The following COL5A3 variants were observed in gnomAD, a reference collection of about 807,000 sequenced individuals.
COL5A3 encodes collagen type V alpha 3 chain.
In COL5A3, 172 loss-of-function variants were observed where a neutral mutation model predicts 250.0. The ratio of observed to expected loss-of-function variants is 0.69; its 90% CI spans 0.61 to 0.78. The LOEUF (loss-of-function observed/expected upper bound fraction) is 0.78. Ranked by LOEUF, COL5A3 falls within the 30% of genes least tolerant of loss-of-function variation. The pLI is 0.00. For missense variants in COL5A3, 2,340 were observed against 2,334.4 expected, an observed-to-expected ratio of 1.00 and a Z score of -0.05; for synonymous variants, 937 against 900.4, an observed-to-expected ratio of 1.04 and a Z score of -0.73.
intron 52 of COL5A3, 83 bp downstream of exon 52, chr19:9,971,122 T>C (rs2086839610): frequency 1.4e-6 from 2 of 1,403,302 alleles, no homozygotes; most frequent in Middle Eastern, 1.8e-4. Context: ...TTGGTTCCAC[T>C]GTCAGTGCCC....
At position 9,989,533 on chromosome 19, in the gene COL5A3, A is replaced by T. The variant is rs753012591; in HGVS notation, c.1993-11T>A. 7 of 1,609,174 alleles carry T rather than the reference A, an allele frequency of 4.4e-6. No homozygotes were observed. In the South Asian group the frequency reaches 7.8e-5, roughly 18 times the overall value. On this transcript the variant is annotated splice_polypyrimidine_tract_variant and intron_variant, in intron 24 of 66. Transcript: ENST00000264828. ...GTTTCCAGGGGGACCCTGAAAGAAG[A>T]TGAACAGCAGGGGAGAGACAGAGGT...
Position 9,975,511 on chromosome 19 carries a change from G to A in COL5A3, c.3342+1047C>T, listed in dbSNP as rs529353877. Among the ~76,000 whole-genome samples, 25 of 152,288 alleles carry A rather than the reference G, an allele frequency of 1.6e-4. No individual in the cohort carries two copies. The South Asian group carries it at 2.9e-3, about 18-fold the overall frequency. On this transcript the variant is annotated intron_variant, in intron 45 of 66. Transcript: ENST00000264828. The stretch of plus-strand genomic sequence containing the variant: ...TAAGGTTGAGTGTATATTGGACATC[G>A]ATATAGAGGGGCAGATCAAAGTTGA...
intron 24 of COL5A3, among the ~76,000 whole-genome samples, chr19:9,990,921 A>C (rs2087179909): frequency 6.6e-6 from 1 of 151,894 alleles, no homozygotes; most frequent in African/African-American, 2.4e-5. Flanking sequence ...TCACAGCCAC[A>C]CCCCTTTCTT....
intron 8 of COL5A3, 56 bp downstream of exon 8, chr19:10,001,468 A>C: frequency 6.4e-7 from 1 of 1,554,224 alleles, no homozygotes; most frequent in Admixed American, 2.1e-5. Context: ...ATTTTAAAAA[A>C]ATTTTAATAG....
intron 10 of COL5A3, among the ~76,000 whole-genome samples, chr19:9,997,742 C>T (rs1464448004): frequency 6.6e-6 from 1 of 152,128 alleles, no homozygotes; most frequent in Non-Finnish European, 1.5e-5. Flanking sequence ...GTTGGGACTA[C>T]AGTTGGGTGC....
At chr19:10,001,426 C>A in intron 8 of COL5A3, 98 bp downstream of exon 8, 2 of 1,243,320 alleles carry the variant, frequency 1.6e-6, no homozygotes, top group South Asian at 1.6e-5. Flanking sequence ...GGATTACAGG[C>A]GGGAGCCACT....
intron 61 of COL5A3, chr19:9,967,695 C>A: frequency 1.8e-6 from 1 of 553,886 alleles, no homozygotes; most frequent in Non-Finnish European, 3.0e-6. Context: ...TGTTTTCTTT[C>A]CTAGCAGTTT....
At chr19:9,998,175 G>C in intron 8 of COL5A3, 26 bp from the exon 9 acceptor site, 1 of 1,597,314 alleles carries the variant, frequency 6.3e-7, no homozygotes, top group Non-Finnish European at 8.5e-7. Context: ...GGGAGATGGA[G>C]AGAAAAGAGA....
At chr19:9,979,261 G>A in intron 38 of COL5A3, 22 bp from the exon 39 acceptor site, 4 of 1,604,070 alleles carry the variant, frequency 2.5e-6, no homozygotes, top group Non-Finnish European at 3.4e-6. Flanking sequence ...GAAGGCTCCT[G>A]TTGAGTGGGG....
intron 41 of COL5A3, among the ~76,000 whole-genome samples, 175 bp from the exon 42 acceptor site, chr19:9,977,876 T>G (rs953651516): frequency 4.6e-5 from 7 of 150,636 alleles, no homozygotes; most frequent in Non-Finnish European, 7.4e-5. Context: ...CATATTCTTC[T>G]CCTGCTCAAG....
At position 10,009,248 on chromosome 19, in the gene COL5A3, C is replaced by T. The variant is rs943668796; in HGVS notation, c.88+1050G>A. Among the ~76,000 whole-genome samples, 10 of 150,490 alleles carry T rather than the reference C, an allele frequency of 6.6e-5. No homozygotes were observed. The highest frequency in any genetic ancestry group is 4.0e-4 in the Admixed American group (6 of 15,060). ...CTTAGAAAGGGATTTCCAGGAGGAC[C>T]TAGTCTAGGGTCTCTCAGATCAGGG... On this transcript the variant is annotated intron_variant, in intron 1 of 66. Transcript: ENST00000264828. The surrounding 1 kb of genome is among the most constrained non-coding windows in gnomAD (Gnocchi z 4.4).
rs2086788134 is a variant in COL5A3, at chr19:9,968,609, C to T, written c.4206+66G>A. The T allele has an allele frequency of 6.3e-7, 1 of 1,592,080 alleles. No individual in the cohort carries two copies. Among genetic ancestry groups the T allele is most frequent in the Non-Finnish European group, 8.6e-7 (1 of 1,162,318 alleles). Reference sequence around the variant, plus strand: ...AGAGGATGCACCAATCTCCCAGCCCCCCAGCCAGGGAGGGAGGGAAAGAGG... The same window carrying T: ...AGAGGATGCACCAATCTCCCAGCCCTCCAGCCAGGGAGGGAGGGAAAGAGG... On this transcript the variant is annotated intron_variant, in intron 58 of 66. Coordinates refer to ENST00000264828, the MANE Select transcript of COL5A3 (RefSeq NM_015719.4). This position sits in a 1 kb window ranked among gnomAD's most constrained non-coding sequence, Gnocchi z 4.1.
At position 9,973,739 on chromosome 19, in the gene COL5A3, T is replaced by C; in HGVS notation, c.3612+17A>G. The C allele has an allele frequency of 6.2e-7, 1 of 1,613,982 alleles. No homozygotes were observed. ...TTATCTCTTCCCCCCGTGCAGCCCC[T>C]GCCTTCCCTCACTCACCTTCTCACC... On this transcript the variant is annotated intron_variant, in intron 49 of 66. Transcript: ENST00000264828.
intron 23 of COL5A3, 48 bp downstream of exon 23, chr19:9,991,740 C>A: frequency 6.3e-6 from 10 of 1,596,270 alleles, no homozygotes; most frequent in South Asian, 1.1e-5. Flanking sequence ...GGTCTAAGGT[C>A]TTAACTGACC....
chr19:9,981,482 A>G (rs1419727265), intron 32 of COL5A3, among the ~76,000 whole-genome samples: 1 of 152,216 alleles, frequency 6.6e-6, no homozygotes, highest in East Asian at 1.9e-4. Context: ...CTCATCATGC[A>G]ATACATCTCT....
intron 21 of COL5A3, 30 bp from the exon 22 acceptor site, chr19:9,992,078 C>T (rs1316354514): frequency 2.5e-6 from 4 of 1,608,812 alleles, no homozygotes; most frequent in African/African-American, 1.3e-5. Context: ...GAGACCAAGA[C>T]AGAGCAACAA....
At chr19:9,984,797 A>T (rs1327914923) in intron 31 of COL5A3, among the ~76,000 whole-genome samples, 1 of 151,996 alleles carries the variant, frequency 6.6e-6, no homozygotes. Flanking sequence ...CTCACTTTTT[A>T]AAAAAATTTT....
intron 26 of COL5A3, 66 bp from the exon 27 acceptor site, chr19:9,989,243 C>G: frequency 6.2e-7 from 1 of 1,610,866 alleles, no homozygotes; most frequent in Non-Finnish European, 8.5e-7. Flanking sequence ...GCCCTCATCT[C>G]TCTCCTCTGT....
In COL5A3 at chr19:10,001,881, T is replaced by C. The variant is rs1182975032; in HGVS notation, c.850A>G (p.Thr284Ala). 10 of 1,610,800 alleles carry C rather than the reference T, an allele frequency of 6.2e-6. No individual in the cohort carries two copies. The highest frequency in any genetic ancestry group is 2.2e-5 in the East Asian group (1 of 44,834). The change falls in exon 7 of 67, where the codon ACC (threonine) becomes GCC (alanine). Residue 284 changes from threonine to alanine, a missense_variant and splice_region_variant. Physicochemically the swap from Thr to Ala is moderately conservative, Grantham distance 58. Around this residue, in one of 3 missense-constraint regions of COL5A3, gnomAD observed 1,152 missense variants for 1,146.3 expected, o/e 1.00. Transcript: ENST00000264828. Reference sequence around the variant, plus strand: ...TCTGTCTTGGGGATGTCAGTGGAGGTCTGGAGCAGGGATGGAGGGAGCCTT... The same window carrying C: ...TCTGTCTTGGGGATGTCAGTGGAGGCCTGGAGCAGGGATGGAGGGAGCCTT... ...SPPPDSAENQTSTDIPKTETP... is the reference protein window; with the variant it reads ...SPPPDSAENQASTDIPKTETP...
Sources: gnomAD v4.1 joint callset for allele counts (sites outside exome capture counted in the v4.1 genomes callset) on GRCh38, gnomAD v4.1.1 for gene constraint, gnomAD v4.1.1 regional missense constraint, Gnocchi (gnomAD v3.1) non-coding constraint, MANE v1.5 for transcripts, NCBI Gene and HGNC (gene_info 2026-07-23, HGNC 2026-07-21) for gene names.